The following NNT variants were observed in gnomAD, a reference collection of about 807,000 sequenced individuals.
NNT encodes the protein nicotinamide nucleotide transhydrogenase.
Under a neutral mutation model 104.8 loss-of-function variants are expected in NNT, and 50 were observed. That is an observed-to-expected ratio of 0.48 (90% confidence interval 0.38 to 0.60). The LOEUF is 0.60. NNT is among the 20% of genes least tolerant of loss of function. The pLI is 0.00. For synonymous variants in NNT, 461 were observed against 490.4 expected, an observed-to-expected ratio of 0.94 and a Z score of 0.79; for missense variants, 1,131 against 1,330.7, an observed-to-expected ratio of 0.85 and a Z score of 2.33.
Position 43,702,634 on chromosome 5 carries a change from C to T in NNT, c.3009C>T (p.Val1003=), listed in dbSNP as rs1369096585. 1.2e-6 allele frequency: 2 copies of T among 1,606,876 alleles called. No individual in the cohort carries two copies. Among genetic ancestry groups the T allele is most frequent in the Admixed American group, 3.4e-5 (2 of 59,380 alleles). ...TTTATTATATAGATACTGATTTGGT[C>T]CTTGTAATTGGAGCTAATGACACTG... ...INHDFPDTDL[V]LVIGANDTVN... Residue 1003 remains valine (V), a synonymous_variant, in exon 21 of 22, where the codon GTC becomes GTT. Transcript: ENST00000344920.
At chr5:43,645,705 A>ATTTTTTT (rs1463913564) in intron 10 of NNT, 195 bp downstream of exon 10, 1 of 96,928 alleles carries the variant, frequency 1.0e-5, no homozygotes, top group African/African-American at 4.5e-5. Flanking sequence ...ATATATATAT[A>ATTTTTTT]TATATTTTTT....
rs547322791 is a variant in NNT at position 43,683,804 on chromosome 5, A to AT, written c.2876+6008dup. Among the ~76,000 whole-genome samples, 477 of 150,942 alleles carry AT rather than the reference A, an allele frequency of 3.2e-3. 5 individuals are homozygous for AT. The highest frequency in any genetic ancestry group is 0.01 in the Middle Eastern group (3 of 290). ...TATTCAAGAGTTAGTTGCAAATTGA[A>AT]TTTTTTTTTTCTGGTATCATTCTTC... On this transcript the variant is annotated intron_variant, in intron 19 of 21. Coordinates refer to ENST00000344920, the MANE Select transcript of NNT (RefSeq NM_182977.3).
intron 19 of NNT, among the ~76,000 whole-genome samples, chr5:43,681,974 C>G (rs962486932): frequency 6.6e-6 from 1 of 152,066 alleles, no homozygotes; most frequent in Non-Finnish European, 1.5e-5. Context: ...ATATTTTAAA[C>G]TTTTTACAAC....
At chr5:43,606,424 T>C (rs1227214370) in intron 1 of NNT, among the ~76,000 whole-genome samples, 1 of 152,204 alleles carries the variant, frequency 6.6e-6, no homozygotes, top group African/African-American at 2.4e-5. Context: ...TTTCTCTTTA[T>C]TCTCAGCCAT....
rs1742207440 is a variant in NNT, at chr5:43,690,417, C to T, written c.2877-9702C>T. On this transcript the variant is annotated intron_variant, in intron 19 of 21. Coordinates refer to ENST00000344920, the MANE Select transcript of NNT (RefSeq NM_182977.3). ...TTCTTAGTCTTAAGTTCTCATCAGT[C>T]AGGTTTTGGGAAGAGCAGTGGGCCT... Among the ~76,000 whole-genome samples, 2 of 152,138 alleles carry T rather than the reference C, an allele frequency of 1.3e-5. 1 individual carries two copies. The highest frequency in any genetic ancestry group is 4.1e-4 in the South Asian group (2 of 4,832).
intron 10 of NNT, 76 bp downstream of exon 10, chr5:43,645,586 T>G (rs1310605200): frequency 1.4e-5 from 12 of 847,270 alleles, no homozygotes; most frequent in Admixed American, 9.9e-5. Flanking sequence ...TCTATAGATA[T>G]ATGTGTAGCT....
At chr5:43,667,302 A>G in intron 17 of NNT, 1 of 644,212 alleles carries the variant, frequency 1.6e-6, no homozygotes, top group Non-Finnish European at 2.7e-6. Context: ...TTTAAGTTCT[A>G]GGGTACATGT....
chr5:43,688,112 A>G (rs1225182555), intron 19 of NNT, among the ~76,000 whole-genome samples: 1 of 152,186 alleles, frequency 6.6e-6, no homozygotes, highest in Non-Finnish European at 1.5e-5. Context: ...CAAAGTGTCT[A>G]TATCTGAATC....
intron 3 of NNT, among the ~76,000 whole-genome samples, chr5:43,615,006 G>C (rs1364123062): frequency 2.6e-5 from 4 of 151,436 alleles, no homozygotes; most frequent in African/African-American, 9.7e-5. Flanking sequence ...GCGCGGTGGC[G>C]GGCGCCTGTA....
chr5:43,677,537 A>G (rs987562454), intron 18 of NNT, among the ~76,000 whole-genome samples, 188 bp from the exon 19 acceptor site: 1 of 152,204 alleles, frequency 6.6e-6, no homozygotes, highest in Non-Finnish European at 1.5e-5. Flanking sequence ...AGCAATCATT[A>G]CATTTTCAAT....
chr5:43,687,519 G>T (rs1219967212), intron 19 of NNT, among the ~76,000 whole-genome samples: 1 of 152,080 alleles, frequency 6.6e-6, no homozygotes, highest in African/African-American at 2.4e-5. Context: ...CATTGTGCCA[G>T]AATTTTTTAT....
intron 19 of NNT, among the ~76,000 whole-genome samples, chr5:43,680,091 G>T (rs1269654420): frequency 1.3e-5 from 2 of 151,724 alleles, no homozygotes; most frequent in Non-Finnish European, 2.9e-5. Flanking sequence ...AAATGGAAGA[G>T]GACTATTCTT....
At chr5:43,615,114 G>T (rs1441308131) in intron 3 of NNT, among the ~76,000 whole-genome samples, 4 of 151,666 alleles carry the variant, frequency 2.6e-5, no homozygotes, top group African/African-American at 9.7e-5. Flanking sequence ...TCCGCAGTCC[G>T]GCCTGGGCGA....
At chr5:43,626,389 G>A (rs576361726) in intron 6 of NNT, among the ~76,000 whole-genome samples, 15 of 152,066 alleles carry the variant, frequency 9.9e-5, no homozygotes, top group South Asian at 6.2e-4. Flanking sequence ...TATCTCAGGG[G>A]GATCATGGAA....
intron 5 of NNT, among the ~76,000 whole-genome samples, chr5:43,623,103 A>G (rs1750182232): frequency 6.6e-6 from 1 of 151,998 alleles, no homozygotes; most frequent in Non-Finnish European, 1.5e-5. Context: ...CAAACACCCC[A>G]TTATCAAGAT....
intron 17 of NNT, chr5:43,666,966 G>C (rs1289319166): frequency 6.3e-7 from 1 of 1,592,876 alleles, no homozygotes; most frequent in East Asian, 2.2e-5. Context: ...GCTTGCGGCT[G>C]ACACCCTTTG....
chr5:43,644,770 G>T lies in NNT; in HGVS notation c.1258G>T (p.Gly420Cys). The change falls in exon 9 of 22, where the codon GGT becomes TGT. Residue 420 changes from glycine to cysteine, a missense_variant. By Grantham distance (159) the Gly-to-Cys change is radical (BLOSUM62 -3). Coordinates refer to ENST00000344920, the MANE Select transcript of NNT (RefSeq NM_182977.3). The stretch of plus-strand genomic sequence containing the variant: ...AGATGACTTTGACTTTGGTACGATG[G>T]GTCATGTCATTAGAGGAACTGTAGT... ...VKDDFDFGTMGHVIRGTVVMK... is the reference protein window; with the variant it reads ...VKDDFDFGTMCHVIRGTVVMK... The T allele has an allele frequency of 1.2e-6, 2 of 1,614,018 alleles. No homozygotes were observed. The highest frequency in any genetic ancestry group is 1.3e-5 in the African/African-American group (1 of 75,030).
Position 43,613,036 on chromosome 5 carries a change from G to T in NNT, c.280G>T (p.Gly94Cys). 1 of 1,614,098 alleles carries T rather than the reference G, an allele frequency of 6.2e-7. No individual in the cohort carries two copies. Among genetic ancestry groups the T allele is most frequent in the Non-Finnish European group, 8.5e-7 (1 of 1,180,014 alleles). ...GGGTTTTAATGTTGTCGTGGAATCG[G>T]GTGCGGGCGAAGCTTCCAAGTTCTC... is the stretch of plus-strand genomic sequence containing the variant. ...KQGFNVVVES[G>C]AGEASKFSDD... The change falls in exon 3 of 22, where the codon GGT becomes TGT. Residue 94 changes from glycine to cysteine, a missense_variant. Transcript: ENST00000344920.
intron 4 of NNT, among the ~76,000 whole-genome samples, chr5:43,618,830 A>G (rs1749919783): frequency 6.6e-6 from 1 of 152,170 alleles, no homozygotes; most frequent in South Asian, 2.1e-4. Flanking sequence ...CAGTAATTGT[A>G]CCTTTCCATA....
Sources: allele counts gnomAD v4.1 joint callset (sites outside exome capture counted in the v4.1 genomes callset), GRCh38; gene constraint gnomAD v4.1.1; transcripts MANE v1.5; gene names NCBI Gene and HGNC (gene_info 2026-07-23, HGNC 2026-07-21).